CC2D2A: variants seen among roughly 807,000 people sequenced by gnomAD.
CC2D2A encodes coiled-coil and C2 domain-containing protein 2A.
A neutral mutation model predicts 212.9 loss-of-function variants in CC2D2A; 155 were observed. The observed-to-expected ratio is 0.73, with a 90% CI of 0.64 to 0.83. The LOEUF is 0.83. Among genes scored for constraint, CC2D2A ranks in the 40% least tolerant of loss-of-function variants. The pLI is 0.00. For synonymous variants in CC2D2A, 667 were observed against 686.5 expected, an observed-to-expected ratio of 0.97 and a Z score of 0.44; for missense variants, 1,856 against 1,956.2, an observed-to-expected ratio of 0.95 and a Z score of 0.97.
chr4:15,558,430 T>C (rs1346039662), intron 21 of CC2D2A, among the ~76,000 whole-genome samples: 1 of 152,144 alleles, frequency 6.6e-6, no homozygotes, highest in East Asian at 1.9e-4. Context: ...AACGTGTGAA[T>C]GGCATGAGTG....
chr4:15,554,601 A>G (rs1719183682), intron 19 of CC2D2A, among the ~76,000 whole-genome samples: 1 of 152,246 alleles, frequency 6.6e-6, no homozygotes, highest in South Asian at 2.1e-4. Flanking sequence ...ATTTGAACCT[A>G]GCAAGTAGAG....
intron 16 of CC2D2A, among the ~76,000 whole-genome samples, chr4:15,540,424 T>A (rs931927636): frequency 1.3e-5 from 2 of 152,206 alleles, no homozygotes; most frequent in African/African-American, 4.8e-5. Context: ...ATGAACTCGA[T>A]CTAACTGCTA....
intron 21 of CC2D2A, among the ~76,000 whole-genome samples, chr4:15,558,587 T>C (rs1482986490): frequency 1.3e-5 from 2 of 151,968 alleles, no homozygotes; most frequent in African/African-American, 4.8e-5. Flanking sequence ...TCTAGTATCT[T>C]CAGCCAGCAG....
intron 8 of CC2D2A, 127 bp from the exon 9 acceptor site, chr4:15,514,579 CT>C: frequency 1.3e-6 from 1 of 778,828 alleles, no homozygotes; most frequent in Non-Finnish European, 1.9e-6. Context: ...TATGCTTTCA[CT>C]TTTTTAAAAA....
At chr4:15,572,700 T>C (rs1046473732) in intron 28 of CC2D2A, among the ~76,000 whole-genome samples, 1 of 151,750 alleles carries the variant, frequency 6.6e-6, no homozygotes, top group Non-Finnish European at 1.5e-5. Context: ...TATATATATA[T>C]GAAAGGAAGT....
intron 33 of CC2D2A, among the ~76,000 whole-genome samples, chr4:15,593,008 A>C (rs1271490744): frequency 6.6e-6 from 1 of 152,192 alleles, no homozygotes; most frequent in Non-Finnish European, 1.5e-5. Flanking sequence ...TACAGATGCT[A>C]TCTCTGCTAT....
Position 15,516,746 on chromosome 4 carries a change from T to G in CC2D2A, c.1139T>G (p.Leu380Arg). 6.2e-7 allele frequency: 1 copy of G among 1,611,650 alleles called. No individual in the cohort carries two copies. Among genetic ancestry groups the G allele is most frequent in the Non-Finnish European group, 8.5e-7 (1 of 1,178,728 alleles). Residue 380 changes from leucine to arginine, a missense_variant, in exon 11 of 37, where the codon CTG (leucine) becomes CGG (arginine). Leu to Arg is a moderately radical substitution (Grantham distance 102). Around this residue, in one of 5 missense-constraint regions of CC2D2A, gnomAD observed 1,512 missense variants for 1,579.3 expected, o/e 0.96. Transcript: ENST00000424120. ...EQSIKAELET[L>R]YKKAVKYVHS... ...AGCATTAAGGCAGAGCTTGAAACAC[T>G]GTATAAAAAGGTAGACACTCCCCTC...
intron 19 of CC2D2A, among the ~76,000 whole-genome samples, chr4:15,554,055 C>T (rs1478832216): frequency 6.6e-6 from 1 of 152,226 alleles, no homozygotes; most frequent in Admixed American, 6.5e-5. Flanking sequence ...TTGATGCCTT[C>T]AATCCCCATA....
At chr4:15,552,823 G>C (rs192183003) in intron 18 of CC2D2A, among the ~76,000 whole-genome samples, 97 of 152,296 alleles carry the variant, frequency 6.4e-4, no homozygotes, top group African/African-American at 2.1e-3. Context: ...AAATAACTCT[G>C]CAAAGAAGGT....
intron 4 of CC2D2A, 57 bp from the exon 5 acceptor site, chr4:15,502,372 T>C: frequency 7.3e-7 from 1 of 1,368,310 alleles, no homozygotes; most frequent in South Asian, 1.4e-5. Context: ...TAATTTTCCT[T>C]TTTCTTTTCT....
chr4:15,579,335 A>C (rs907961088), intron 29 of CC2D2A, among the ~76,000 whole-genome samples: 3 of 152,134 alleles, frequency 2.0e-5, no homozygotes, highest in African/African-American at 7.2e-5. Context: ...TCTCAAAAAA[A>C]AAAAAGTCTG....
rs748316450 is a variant in CC2D2A, at chr4:15,514,699, T to C, written c.718-8T>C. ...GATTTTTTCTTGTTACTTTTTAACA[T>C]TATGCAGGATGAGGAAGAACTGCTT... On this transcript the variant is annotated splice_polypyrimidine_tract_variant and splice_region_variant and intron_variant, in intron 8 of 36. Transcript: ENST00000424120. The C allele has an allele frequency of 6.7e-7, 1 of 1,502,064 alleles. No homozygotes were observed. Among genetic ancestry groups the C allele is most frequent in the South Asian group, 1.4e-5 (1 of 71,668 alleles). 93.0% of individuals were successfully genotyped at this position (1,502,064 alleles called of 1,614,324 possible). A position where few individuals can be genotyped will look rare whatever the true frequency, so the allele number is the denominator to read the frequency against.
chr4:15,565,421 C>G (rs1172691679), intron 24 of CC2D2A, among the ~76,000 whole-genome samples: 2 of 150,006 alleles, frequency 1.3e-5, no homozygotes, highest in African/African-American at 2.5e-5. Flanking sequence ...TTTTGCCTCC[C>G]TCACTGTTCT....
intron 18 of CC2D2A, among the ~76,000 whole-genome samples, chr4:15,552,542 A>G (rs1419939043): frequency 1.3e-5 from 2 of 152,180 alleles, no homozygotes; most frequent in Non-Finnish European, 2.9e-5. Context: ...ACAATCTCTA[A>G]CATACTAAGT....
chr4:15,575,969 G>A (rs1720387467), intron 29 of CC2D2A, among the ~76,000 whole-genome samples: 1 of 152,138 alleles, frequency 6.6e-6, no homozygotes, highest in Non-Finnish European at 1.5e-5. Context: ...TCCACACTAG[G>A]CATCCCTCAC....
chr4:15,482,111 T>C (rs1714710564), intron 4 of CC2D2A: 1 of 985,296 alleles, frequency 1.0e-6, no homozygotes, highest in African/African-American at 1.7e-5. Flanking sequence ...TTAGACTGTT[T>C]TCCCTATGGC....
At chr4:15,598,930 C>G (rs1721448715) in intron 35 of CC2D2A, among the ~76,000 whole-genome samples, 1 of 152,058 alleles carries the variant, frequency 6.6e-6, no homozygotes, top group Non-Finnish European at 1.5e-5. Context: ...GAGGCCAAGG[C>G]AGGCGGATCA....
chr4:15,537,884 C>G lies in CC2D2A; in HGVS notation c.1765-15C>G, dbSNP rs1718219008. The G allele has an allele frequency of 6.3e-7, 1 of 1,577,178 alleles. No individual in the cohort carries two copies. The highest frequency in any genetic ancestry group is 8.6e-7 in the Non-Finnish European group (1 of 1,161,688). On this transcript the variant is annotated splice_polypyrimidine_tract_variant and intron_variant, in intron 15 of 36. Coordinates refer to ENST00000424120, the MANE Select transcript of CC2D2A (RefSeq NM_001378615.1). ...AAAATTCCTGTTTGATATCATGTTGCCTCTAACTCAACAGAGGGCCAAGAA... is the reference window on the plus strand; with the variant it reads ...AAAATTCCTGTTTGATATCATGTTGGCTCTAACTCAACAGAGGGCCAAGAA...
At chr4:15,509,265 G>T (rs1321426611) in intron 6 of CC2D2A, among the ~76,000 whole-genome samples, 1 of 145,592 alleles carries the variant, frequency 6.9e-6, no homozygotes, top group South Asian at 2.2e-4. Context: ...TAATTTATAG[G>T]ATGAGATAAC....
Sources: allele counts gnomAD v4.1 joint callset (sites outside exome capture counted in the v4.1 genomes callset), GRCh38; gene constraint gnomAD v4.1.1; regional missense constraint gnomAD v4.1.1; transcripts MANE v1.5; gene names NCBI Gene and HGNC (gene_info 2026-07-23, HGNC 2026-07-21).